The following DDAH1 variants were observed in gnomAD, a reference collection of about 807,000 sequenced individuals.
The protein encoded by DDAH1 is N(G),N(G)-dimethylarginine dimethylaminohydrolase 1.
DDAH1 carries 19 observed loss-of-function variants against 28.8 expected under a neutral mutation model. The observed-to-expected ratio is 0.66, with a 90% CI of 0.46 to 0.97. The LOEUF (loss-of-function observed/expected upper bound fraction) is 0.97, where lower values mean the gene tolerates loss of function less well. Ranked by LOEUF, DDAH1 falls within the 50% of genes least tolerant of loss-of-function variation. The pLI is 0.00. For synonymous variants in DDAH1, 153 were observed against 154.4 expected (o/e 0.99, Z 0.07); for missense variants, 326 against 375.9 (o/e 0.87, Z 1.10).
At chr1:85,331,181 C>G (rs1309739567) in intron 4 of DDAH1, among the ~76,000 whole-genome samples, 1 of 152,202 alleles carries the variant, frequency 6.6e-6, no homozygotes, top group Non-Finnish European at 1.5e-5. Context: ...CCCAACATTT[C>G]TGGGAATTTT....
At chr1:85,357,332 C>T (rs919030334) in intron 2 of DDAH1, among the ~76,000 whole-genome samples, 5 of 152,140 alleles carry the variant, frequency 3.3e-5, no homozygotes, top group African/African-American at 1.2e-4. Context: ...GTACACAACT[C>T]CAGGGCATAC....
chr1:85,463,911 T>G (rs1248102528), intron 1 of DDAH1, among the ~76,000 whole-genome samples: 2 of 152,212 alleles, frequency 1.3e-5, no homozygotes, highest in Non-Finnish European at 2.9e-5. Context: ...CCCACTAACC[T>G]ACATTGCACT....
chr1:85,401,435 T>C (rs925686945), intron 1 of DDAH1, among the ~76,000 whole-genome samples: 13 of 151,978 alleles, frequency 8.6e-5, no homozygotes, highest in Non-Finnish European at 1.8e-4. Flanking sequence ...AGAGTTGTAA[T>C]GAGGATGAAA....
chr1:85,404,022 CACA>C (rs1422130838), intron 1 of DDAH1, among the ~76,000 whole-genome samples: 2 of 152,080 alleles, frequency 1.3e-5, no homozygotes, highest in Non-Finnish European at 2.9e-5. Flanking sequence ...TATCTTAAAT[CACA>C]ACTATATTCC....
intron 1 of DDAH1, among the ~76,000 whole-genome samples, chr1:85,557,761 A>G (rs1412250345): frequency 1.3e-5 from 2 of 152,164 alleles, no homozygotes. Flanking sequence ...GCCCTATTCC[A>G]ATATGACTGG....
intron 1 of DDAH1, among the ~76,000 whole-genome samples, chr1:85,372,494 C>A (rs1426021408): frequency 6.6e-6 from 1 of 152,082 alleles, no homozygotes; most frequent in Non-Finnish European, 1.5e-5. Context: ...CCAAGGAAAA[C>A]TAATTATCAT....
chr1:85,511,604 A>C (rs1657236038), intron 1 of DDAH1, among the ~76,000 whole-genome samples: 1 of 152,208 alleles, frequency 6.6e-6, no homozygotes, highest in Non-Finnish European at 1.5e-5. Context: ...GACCACTAGC[A>C]AGACTAATAA....
At position 85,322,246 on chromosome 1, in the gene DDAH1, C is replaced by T. The variant is rs1307662656; in HGVS notation, c.742-678G>A. On this transcript the variant is annotated intron_variant, in intron 5 of 5. Coordinates refer to ENST00000284031, the MANE Select transcript of DDAH1 (RefSeq NM_012137.4). Reference sequence around the variant, plus strand: ...GGCCTTCTCTTCACAGTTTAAAACCCTCTCAACTATACTTTAGGTTTATTT... The same window carrying T: ...GGCCTTCTCTTCACAGTTTAAAACCTTCTCAACTATACTTTAGGTTTATTT... Among the ~76,000 whole-genome samples the T allele has an allele frequency of 2.0e-5, 3 of 152,138 alleles. No individual in the cohort carries two copies. The East Asian group carries it at 5.8e-4, about 29-fold the overall frequency.
chr1:85,322,772 G>T (rs1661405881), intron 5 of DDAH1, among the ~76,000 whole-genome samples: 1 of 152,170 alleles, frequency 6.6e-6, no homozygotes, highest in African/African-American at 2.4e-5. Context: ...AGTAAACAGG[G>T]ATATTATTAA....
intron 1 of DDAH1, among the ~76,000 whole-genome samples, chr1:85,408,807 T>C (rs1480480645): frequency 1.3e-5 from 2 of 152,172 alleles, no homozygotes; most frequent in African/African-American, 4.8e-5. Context: ...AATGGGCTTG[T>C]TACACTGGAT....
intron 1 of DDAH1, among the ~76,000 whole-genome samples, chr1:85,512,397 T>C (rs1657276393): frequency 6.6e-6 from 1 of 152,168 alleles, no homozygotes; most frequent in African/African-American, 2.4e-5. Flanking sequence ...AATATCATAC[T>C]GAATGGGCAA....
At chr1:85,394,567 A>G (rs1412696896) in intron 1 of DDAH1, among the ~76,000 whole-genome samples, 1 of 152,234 alleles carries the variant, frequency 6.6e-6, no homozygotes, top group East Asian at 1.9e-4. Context: ...CTAGTTCAAT[A>G]AAACAGTGTG....
intron 1 of DDAH1, among the ~76,000 whole-genome samples, chr1:85,531,157 C>T (rs1414957007): frequency 2.6e-5 from 4 of 152,076 alleles, no homozygotes. Flanking sequence ...ATAATGCCTA[C>T]TCTCACAGTT....
intron 1 of DDAH1, among the ~76,000 whole-genome samples, chr1:85,395,291 T>C (rs1651753384): frequency 1.3e-5 from 2 of 152,142 alleles, no homozygotes; most frequent in African/African-American, 4.8e-5. Context: ...ACTAATTTTT[T>C]TGAATGACAA....
chr1:85,507,370 A>T (rs918713510), intron 1 of DDAH1, among the ~76,000 whole-genome samples: 1 of 152,002 alleles, frequency 6.6e-6, no homozygotes, highest in Admixed American at 6.6e-5. Flanking sequence ...AGGTGTGCTG[A>T]CATGCAGCTG....
chr1:85,519,174 A>G (rs1292351096), intron 1 of DDAH1, among the ~76,000 whole-genome samples: 1 of 142,472 alleles, frequency 7.0e-6, no homozygotes, highest in African/African-American at 2.7e-5. Flanking sequence ...GCTCACTGCA[A>G]GCTCCACCTC....
intron 1 of DDAH1, among the ~76,000 whole-genome samples, chr1:85,561,090 T>C (rs1659127849): frequency 6.6e-6 from 1 of 152,088 alleles, no homozygotes; most frequent in Non-Finnish European, 1.5e-5. Flanking sequence ...GTGGTTTACA[T>C]ATAGACTTTA....
At chr1:85,405,360 T>A (rs1436226728) in intron 1 of DDAH1, among the ~76,000 whole-genome samples, 1 of 152,176 alleles carries the variant, frequency 6.6e-6, no homozygotes, top group East Asian at 1.9e-4. Context: ...TTAAAAAACT[T>A]AACTGTAAAA....
chr1:85,481,060 C>T (rs905824071), intron 2 of DDAH1, among the ~76,000 whole-genome samples: 5 of 146,546 alleles, frequency 3.4e-5, no homozygotes, highest in African/African-American at 1.3e-4. Context: ...GAAGCATATA[C>T]TTCATAAAAT....
Sources: gnomAD v4.1 joint callset for allele counts (sites outside exome capture counted in the v4.1 genomes callset) on GRCh38, gnomAD v4.1.1 for gene constraint, MANE v1.5 for transcripts, NCBI Gene and HGNC (gene_info 2026-07-23, HGNC 2026-07-21) for gene names.